The following FSTL5 variants were observed in gnomAD, a reference collection of about 807,000 sequenced individuals.
The protein encoded by FSTL5 is follistatin-related protein 5.
A neutral mutation model predicts 89.1 loss-of-function variants in FSTL5; 62 were observed. The ratio of observed to expected loss-of-function variants is 0.70; its 90% CI spans 0.57 to 0.86. The LOEUF is 0.86. Ranked by LOEUF, FSTL5 falls within the 40% of genes least tolerant of loss-of-function variation. The pLI, the probability that FSTL5 is intolerant of heterozygous loss-of-function variation, is 0.00. For synonymous variants in FSTL5, 383 were observed against 346.2 expected (o/e 1.11, Z -1.18); for missense variants, 1,057 against 1,001.6 (o/e 1.06, Z -0.75).
intron 4 of FSTL5, among the ~76,000 whole-genome samples, chr4:161,783,193 T>C (rs565039156): frequency 2.0e-5 from 3 of 152,306 alleles, no homozygotes; most frequent in Non-Finnish European, 2.9e-5. Context: ...ATATTAGCTA[T>C]TATAACTCAT....
At chr4:161,661,428 T>A (rs1032576594) in intron 6 of FSTL5, among the ~76,000 whole-genome samples, 5 of 152,194 alleles carry the variant, frequency 3.3e-5, no homozygotes, top group Admixed American at 2.0e-4. Flanking sequence ...TCTACTTCAG[T>A]AAAGAAATTG....
At chr4:162,013,866 T>C (rs1301105786) in intron 3 of FSTL5, among the ~76,000 whole-genome samples, 1 of 151,956 alleles carries the variant, frequency 6.6e-6, no homozygotes, top group African/African-American at 2.4e-5. Context: ...TAAAAAAATA[T>C]GCCTACAAAC....
chr4:161,861,299 G>A (rs757916741), intron 4 of FSTL5, among the ~76,000 whole-genome samples: 249 of 152,218 alleles, frequency 1.6e-3, no homozygotes, highest in African/African-American at 5.5e-3. Context: ...GGTGCGTGCC[G>A]CAATCGCAGC....
At chr4:161,683,090 A>C (rs1192979568) in intron 6 of FSTL5, among the ~76,000 whole-genome samples, 1 of 152,186 alleles carries the variant, frequency 6.6e-6, no homozygotes, top group Non-Finnish European at 1.5e-5. Context: ...CTAAAATAAA[A>C]ATGAAAAGTA....
chr4:162,147,917 A>T (rs1388835), intron 1 of FSTL5, among the ~76,000 whole-genome samples: 35,343 of 152,016 alleles, frequency 0.23, 4,307 homozygotes, highest in Non-Finnish European at 0.26. Flanking sequence ...AGGCAGGAGA[A>T]TCACCTGAAC....
intron 4 of FSTL5, among the ~76,000 whole-genome samples, chr4:161,806,797 T>C (rs905861019): frequency 3.9e-5 from 6 of 152,074 alleles, no homozygotes; most frequent in Admixed American, 3.9e-4. Context: ...AATCGGTGTA[T>C]GACTGCAAAG....
chr4:161,863,619 G>T (rs1731986094), intron 4 of FSTL5, among the ~76,000 whole-genome samples: 1 of 152,116 alleles, frequency 6.6e-6, no homozygotes. Flanking sequence ...CCAATTCCTG[G>T]TTTCCACAAG....
chr4:161,813,904 T>C lies in FSTL5; in HGVS notation c.410-37830A>G, dbSNP rs1369029188. On this transcript the variant is annotated intron_variant, in intron 4 of 15. Coordinates refer to ENST00000306100, the MANE Select transcript of FSTL5 (RefSeq NM_020116.5). ...TTCTGTGTCTCTTTTTAAAATTTTA[T>C]TTAAATAGAAAAGGGAAATTTTATT... Among the ~76,000 whole-genome samples, 9 of 152,260 alleles carry C rather than the reference T, an allele frequency of 5.9e-5. No individual in the cohort carries two copies. The East Asian group carries it at 1.7e-3, about 29-fold the overall frequency.
At chr4:161,462,431 A>G (rs1179655066) in intron 13 of FSTL5, among the ~76,000 whole-genome samples, 11 of 152,256 alleles carry the variant, frequency 7.2e-5, no homozygotes, top group Non-Finnish European at 1.6e-4. Context: ...ATCCTAATGG[A>G]GAATCACTGA....
At chr4:161,947,142 A>ATGTGTGTG (rs70937698) in intron 3 of FSTL5, among the ~76,000 whole-genome samples, 9,804 of 148,518 alleles carry the variant, frequency 0.066, 438 homozygotes, top group East Asian at 0.13. Context: ...GTGTGTGTGT[A>ATGTGTGTG]TGTGTGTGTG....
chr4:162,017,242 A>C (rs1294330858), intron 3 of FSTL5, among the ~76,000 whole-genome samples: 1 of 152,188 alleles, frequency 6.6e-6, no homozygotes, highest in African/African-American at 2.4e-5. Flanking sequence ...ATCATCATGT[A>C]GATTATCTGC....
At chr4:162,003,332 T>C (rs888853565) in intron 3 of FSTL5, among the ~76,000 whole-genome samples, 6 of 152,164 alleles carry the variant, frequency 3.9e-5, no homozygotes, top group Non-Finnish European at 7.3e-5. Flanking sequence ...GTTAGTTGTG[T>C]CATTCCCATT....
chr4:162,021,855 G>T (rs1219304471), intron 3 of FSTL5, among the ~76,000 whole-genome samples: 1 of 152,088 alleles, frequency 6.6e-6, no homozygotes, highest in Non-Finnish European at 1.5e-5. Context: ...CACTTTGGGA[G>T]GCCGAGGCGG....
chr4:161,539,583 T>C (rs1034770180), intron 9 of FSTL5, among the ~76,000 whole-genome samples: 7 of 152,172 alleles, frequency 4.6e-5, no homozygotes, highest in Non-Finnish European at 1.0e-4. Flanking sequence ...GTGTAAATAA[T>C]TTAGGTTTTG....
intron 15 of FSTL5, among the ~76,000 whole-genome samples, chr4:161,390,665 C>T (rs1039326470): frequency 2.6e-5 from 4 of 152,046 alleles, no homozygotes; most frequent in Non-Finnish European, 4.4e-5. Flanking sequence ...CTCATGATTG[C>T]AAGCAATTCC....
At chr4:162,076,679 T>A (rs1033506285) in intron 2 of FSTL5, among the ~76,000 whole-genome samples, 12 of 151,650 alleles carry the variant, frequency 7.9e-5, no homozygotes, top group African/African-American at 2.9e-4. Context: ...AATACAAATA[T>A]GAGGGTGGGG....
chr4:161,972,894 A>G (rs2111019004), intron 3 of FSTL5, among the ~76,000 whole-genome samples: 1 of 152,314 alleles, frequency 6.6e-6, no homozygotes, highest in African/African-American at 2.4e-5. Context: ...TAAAACATTC[A>G]CCACAATTTA....
chr4:161,509,259 C>T (rs188299831), intron 11 of FSTL5, among the ~76,000 whole-genome samples: 2 of 152,222 alleles, frequency 1.3e-5, no homozygotes, highest in Admixed American at 6.5e-5. Context: ...GCCGAGATCG[C>T]GCCGTTGAAC....
intron 3 of FSTL5, among the ~76,000 whole-genome samples, chr4:161,984,019 T>C (rs1365624580): frequency 6.6e-6 from 1 of 152,098 alleles, no homozygotes; most frequent in Non-Finnish European, 1.5e-5. Context: ...TTTACTTTTA[T>C]TGAAGACAAT....
Sources: allele counts gnomAD v4.1 joint callset (sites outside exome capture counted in the v4.1 genomes callset), GRCh38; gene constraint gnomAD v4.1.1; transcripts MANE v1.5; gene names NCBI Gene and HGNC (gene_info 2026-07-23, HGNC 2026-07-21).